Variants in DOCK2 observed in about 807,000 individuals in gnomAD.
The protein encoded by DOCK2 is dedicator of cytokinesis protein 2.
In DOCK2, 87 loss-of-function variants were observed where a neutral mutation model predicts 248.9. The observed-to-expected ratio is 0.35, with a 90% confidence interval of 0.29 to 0.42. The LOEUF is 0.42. DOCK2 is among the 10% of genes least tolerant of loss of function. The probability of loss-of-function intolerance (pLI) is 1.00; values close to 1 mark genes in which losing one functional copy is unlikely to be tolerated. For missense variants in DOCK2, 1,747 were observed against 2,300.2 expected (o/e 0.76, Z 4.92); for synonymous variants, 805 against 821.6 (o/e 0.98, Z 0.35).
intron 27 of DOCK2, among the ~76,000 whole-genome samples, chr5:169,912,794 A>G (rs1466750977): frequency 6.6e-6 from 1 of 152,186 alleles, no homozygotes; most frequent in Non-Finnish European, 1.5e-5. Context: ...CAGCAGGAGC[A>G]GCAGTATAAC....
chr5:169,903,241 A>G (rs1275506873), intron 27 of DOCK2, among the ~76,000 whole-genome samples: 1 of 150,968 alleles, frequency 6.6e-6, no homozygotes, highest in Non-Finnish European at 1.5e-5. Flanking sequence ...CGCACCTATT[A>G]ATAGCCAGTG....
intron 25 of DOCK2, among the ~76,000 whole-genome samples, chr5:169,783,346 A>G (rs1265852442): frequency 2.6e-5 from 4 of 152,198 alleles, no homozygotes; most frequent in African/African-American, 9.7e-5. Flanking sequence ...CCAGAGAGCC[A>G]TTTCAGGGTT....
chr5:169,967,181 G>A (rs367813260), intron 27 of DOCK2, among the ~76,000 whole-genome samples: 3 of 152,232 alleles, frequency 2.0e-5, no homozygotes, highest in African/African-American at 7.2e-5. Flanking sequence ...TGCCATCAGT[G>A]CCATGAAAGT....
chr5:169,999,085 A>G (rs148613563), intron 30 of DOCK2, among the ~76,000 whole-genome samples: 1 of 152,214 alleles, frequency 6.6e-6, no homozygotes, highest in Admixed American at 6.5e-5. Context: ...TGACTTCACT[A>G]TTTTCCATGC....
At chr5:170,070,591 C>G (rs1217484531) in intron 46 of DOCK2, among the ~76,000 whole-genome samples, 1 of 152,178 alleles carries the variant, frequency 6.6e-6, no homozygotes. Flanking sequence ...TGATGTTCTC[C>G]CTTAGCATCC....
chr5:169,836,494 A>G (rs1215786409), intron 26 of DOCK2, among the ~76,000 whole-genome samples: 4 of 152,346 alleles, frequency 2.6e-5, no homozygotes, highest in African/African-American at 9.6e-5. Flanking sequence ...TGGTTAATCC[A>G]AACAAAGTTA....
intron 25 of DOCK2, among the ~76,000 whole-genome samples, chr5:169,768,881 C>T (rs1303173948): frequency 6.6e-6 from 1 of 152,178 alleles, no homozygotes; most frequent in Non-Finnish European, 1.5e-5. Flanking sequence ...CATTCCCTAC[C>T]TCAACCCCTA....
At chr5:169,982,092 A>G (rs1263793161) in intron 27 of DOCK2, among the ~76,000 whole-genome samples, 1 of 151,240 alleles carries the variant, frequency 6.6e-6, no homozygotes, top group Non-Finnish European at 1.5e-5. Context: ...TTTGGTTCAA[A>G]CATAATACTT....
chr5:170,009,248 GA>G (rs1173882505), intron 32 of DOCK2, among the ~76,000 whole-genome samples: 13 of 152,130 alleles, frequency 8.5e-5, no homozygotes, highest in Admixed American at 7.2e-4. Flanking sequence ...TTACCTGAAT[GA>G]TACCTGTGGA....
At chr5:169,815,552 C>G (rs1437141845) in intron 26 of DOCK2, among the ~76,000 whole-genome samples, 1 of 152,088 alleles carries the variant, frequency 6.6e-6, no homozygotes. Flanking sequence ...AATGGGGCAC[C>G]AAAAATTCAG....
At chr5:170,024,119 G>T (rs1336565690) in intron 33 of DOCK2, among the ~76,000 whole-genome samples, 3 of 152,122 alleles carry the variant, frequency 2.0e-5, no homozygotes, top group Admixed American at 2.0e-4. Flanking sequence ...GATTTGTATT[G>T]GGCCTCTGTA....
At chr5:169,781,120 G>A (rs1293147293) in intron 25 of DOCK2, among the ~76,000 whole-genome samples, 1 of 152,174 alleles carries the variant, frequency 6.6e-6, no homozygotes, top group East Asian at 1.9e-4. Context: ...ACACACCTAT[G>A]CTCACTCACA....
At chr5:169,964,916 C>T (rs1284540456) in intron 27 of DOCK2, among the ~76,000 whole-genome samples, 1 of 152,232 alleles carries the variant, frequency 6.6e-6, no homozygotes, top group Non-Finnish European at 1.5e-5. Flanking sequence ...GAGTCTCCGT[C>T]GCTCATGACT....
intron 15 of DOCK2, among the ~76,000 whole-genome samples, chr5:169,711,717 G>A (rs960766386): frequency 2.0e-5 from 3 of 152,200 alleles, no homozygotes; most frequent in African/African-American, 4.8e-5. Context: ...GGCTGGGAAT[G>A]CAATTTGCCA....
chr5:169,935,238 T>A (rs995918723), intron 27 of DOCK2, among the ~76,000 whole-genome samples: 2 of 128,626 alleles, frequency 1.6e-5, no homozygotes, highest in African/African-American at 7.0e-5. Flanking sequence ...CACTGTTTGC[T>A]GTGAGTCACT....
At chr5:169,997,829 C>G in intron 30 of DOCK2, 1 of 428,174 alleles carries the variant, frequency 2.3e-6, no homozygotes, top group South Asian at 1.7e-5. Flanking sequence ...CTTGCTTTTC[C>G]CCACACTTGC....
chr5:169,804,269 C>T lies in DOCK2; in HGVS notation c.2703+1063C>T, dbSNP rs370831056. On this transcript the variant is annotated intron_variant, in intron 26 of 51. Coordinates refer to ENST00000520908, the MANE Select transcript of DOCK2 (RefSeq NM_004946.3). ...TCTACACTTACCATCCCAATTAAGCCGCTTCTTGTCTTATTACTACATATG... is the reference window on the plus strand; with the variant it reads ...TCTACACTTACCATCCCAATTAAGCTGCTTCTTGTCTTATTACTACATATG... Among the ~76,000 whole-genome samples, 19 of 152,270 alleles carry T rather than the reference C, an allele frequency of 1.2e-4. No individual in the cohort carries two copies. The East Asian group carries it at 1.5e-3, about 12-fold the overall frequency.
chr5:169,770,771 A>G (rs1765037763), intron 25 of DOCK2, among the ~76,000 whole-genome samples: 1 of 152,208 alleles, frequency 6.6e-6, no homozygotes, highest in South Asian at 2.1e-4. Context: ...AATCATCCAT[A>G]TTACTGATTG....
intron 25 of DOCK2, among the ~76,000 whole-genome samples, chr5:169,783,136 G>A (rs1272034265): frequency 3.3e-5 from 5 of 152,174 alleles, no homozygotes; most frequent in Non-Finnish European, 7.3e-5. Flanking sequence ...GCCAGAGGAT[G>A]TTAAAGTCAT....
Sources: gnomAD v4.1 joint callset for allele counts (sites outside exome capture counted in the v4.1 genomes callset) on GRCh38, gnomAD v4.1.1 for gene constraint, MANE v1.5 for transcripts, NCBI Gene and HGNC (gene_info 2026-07-23, HGNC 2026-07-21) for gene names.